N4BP1: variants seen among roughly 807,000 people sequenced by gnomAD.
N4BP1 encodes NEDD4-binding protein 1.
A neutral mutation model predicts 70.9 loss-of-function variants in N4BP1; 21 were observed. The observed-to-expected ratio is 0.30, with a 90% CI of 0.21 to 0.43. N4BP1 has a LOEUF of 0.43. N4BP1 is among the 20% of genes least tolerant of loss of function. N4BP1 has a pLI of 1.00. For synonymous variants in N4BP1, 387 were observed against 394.6 expected (o/e 0.98, Z 0.23); for missense variants, 936 against 1,069.4 (o/e 0.88, Z 1.74).
At chr16:48,575,877 G>A (rs962223199) in intron 1 of N4BP1, among the ~76,000 whole-genome samples, 12 of 152,164 alleles carry the variant, frequency 7.9e-5, no homozygotes, top group Admixed American at 2.6e-4. Context: ...GCTGCAAGGA[G>A]CATCACTCCA....
At position 48,550,959 on chromosome 16, in the gene N4BP1, C is replaced by G. The variant is rs533553826; in HGVS notation, c.2117+427G>C. 3.9e-5 allele frequency among the ~76,000 whole-genome samples: 6 copies of G among 152,014 alleles called. 1 individual carries two copies. The South Asian group carries it at 1.3e-3, about 32-fold the overall frequency. Reference sequence around the variant, plus strand: ...GAAAGAAAAGAAATGCAGCTTACTCCTATCACAGTAGGGTCAGTTCAGACA... The same window carrying G: ...GAAAGAAAAGAAATGCAGCTTACTCGTATCACAGTAGGGTCAGTTCAGACA... On this transcript the variant is annotated intron_variant, in intron 4 of 6. Coordinates refer to ENST00000262384, the MANE Select transcript of N4BP1 (RefSeq NM_153029.4).
At chr16:48,586,200 C>T (rs374209653) in intron 1 of N4BP1, among the ~76,000 whole-genome samples, 8 of 152,150 alleles carry the variant, frequency 5.3e-5, no homozygotes, top group African/African-American at 1.9e-4. Flanking sequence ...AGGTGGTGTG[C>T]ATTCATAGGT....
chr16:48,578,362 T>G (rs1597103949), intron 1 of N4BP1: 1 of 152,358 alleles, frequency 6.6e-6, no homozygotes, highest in African/African-American at 2.4e-5. Flanking sequence ...ACTGGCGTCA[T>G]CCGCCATTTG....
chr16:48,606,706 T>G (rs1964587061), intron 1 of N4BP1, among the ~76,000 whole-genome samples: 2 of 152,330 alleles, frequency 1.3e-5, no homozygotes, highest in South Asian at 4.1e-4. Context: ...CCCACCTAAC[T>G]AAGCTCCACA....
intron 1 of N4BP1, among the ~76,000 whole-genome samples, chr16:48,571,318 C>G (rs1393179876): frequency 6.6e-6 from 1 of 152,170 alleles, no homozygotes; most frequent in East Asian, 1.9e-4. Flanking sequence ...ATGAAAGACC[C>G]TCAAAACAAA....
intron 1 of N4BP1, among the ~76,000 whole-genome samples, chr16:48,572,165 C>A (rs1811264573): frequency 6.6e-6 from 1 of 152,120 alleles, no homozygotes; most frequent in Non-Finnish European, 1.5e-5. Flanking sequence ...CACCACTGCA[C>A]CCCAGCCAAG....
chr16:48,579,285 A>C (rs537897882), intron 1 of N4BP1, among the ~76,000 whole-genome samples: 52 of 152,308 alleles, frequency 3.4e-4, no homozygotes, highest in Admixed American at 7.8e-4. Flanking sequence ...ATTGTTTAAG[A>C]GGGAAAGAAT....
chr16:48,557,424 G>C (rs1198658805), intron 2 of N4BP1, among the ~76,000 whole-genome samples: 1 of 152,084 alleles, frequency 6.6e-6, no homozygotes, highest in Non-Finnish European at 1.5e-5. Flanking sequence ...TGTAACCCTG[G>C]AAAACATTTT....
intron 1 of N4BP1, among the ~76,000 whole-genome samples, chr16:48,570,954 G>A (rs1964011865): frequency 6.6e-6 from 1 of 152,150 alleles, no homozygotes; most frequent in Non-Finnish European, 1.5e-5. Context: ...ACCTCACGTG[G>A]CTAATTTTTC....
At chr16:48,604,766 T>A (rs768776007) in intron 1 of N4BP1, among the ~76,000 whole-genome samples, 11 of 152,356 alleles carry the variant, frequency 7.2e-5, no homozygotes, top group South Asian at 2.1e-4. Context: ...ATTTTTAAAA[T>A]GTAAATTAGT....
intron 1 of N4BP1, among the ~76,000 whole-genome samples, chr16:48,603,251 C>T (rs1331490800): frequency 2.6e-5 from 4 of 152,078 alleles, no homozygotes; most frequent in African/African-American, 4.8e-5. Context: ...GGTAGCCTGC[C>T]TGAGTTTCAT....
rs1963871133 is a variant in N4BP1 at position 48,562,191 on chromosome 16, T to C, written c.452A>G (p.Gln151Arg). 2 of 1,613,922 alleles carry C rather than the reference T, an allele frequency of 1.2e-6. No homozygotes were observed. Among genetic ancestry groups the C allele is most frequent in the Admixed American group, 3.3e-5 (2 of 59,998 alleles). Residue 151 changes from glutamine to arginine, a missense_variant, in exon 2 of 7, where the codon CAG becomes CGG. By Grantham distance (43) the Gln-to-Arg change is conservative. This residue lies in a region of N4BP1 where 187 missense variants were observed against 217.1 expected (regional missense o/e 0.86). Coordinates refer to ENST00000262384, the MANE Select transcript of N4BP1 (RefSeq NM_153029.4). ...FENKENLPSS[Q>R]KESEVKREFK... Reference sequence around the variant, plus strand: ...TTCCCTTTTCACCTCTGATTCTTTCTGACTACTGGGTAGGTTCTCTTTATT... The same window carrying C: ...TTCCCTTTTCACCTCTGATTCTTTCCGACTACTGGGTAGGTTCTCTTTATT...
chr16:48,572,431 G>A (rs531922675), intron 1 of N4BP1, among the ~76,000 whole-genome samples: 12 of 152,122 alleles, frequency 7.9e-5, no homozygotes, highest in African/African-American at 2.7e-4. Flanking sequence ...GATGGGGGAG[G>A]GGGGACAGGC....
intron 1 of N4BP1, among the ~76,000 whole-genome samples, chr16:48,588,910 A>G (rs1964289555): frequency 6.6e-6 from 1 of 152,178 alleles, no homozygotes; most frequent in Admixed American, 6.5e-5. Flanking sequence ...AATATAAAAC[A>G]AAGACTTTGT....
intron 1 of N4BP1, chr16:48,587,089 GTT>G (rs1473738684): frequency 6.6e-6 from 1 of 152,176 alleles, no homozygotes; most frequent in Admixed American, 6.6e-5. Flanking sequence ...TTAACAAGTG[GTT>G]TCTTCTTTCC....
chr16:48,578,096 G>C (rs1274730812), intron 1 of N4BP1: 1 of 159,260 alleles, frequency 6.3e-6, no homozygotes, highest in Non-Finnish European at 1.4e-5. Flanking sequence ...TCATCCTTGA[G>C]AGAGCCCCCA....
chr16:48,567,458 C>T (rs946303819), intron 1 of N4BP1, among the ~76,000 whole-genome samples: 3 of 152,124 alleles, frequency 2.0e-5, no homozygotes, highest in African/African-American at 7.2e-5. Context: ...GCTGGGATTA[C>T]AGGTGCACAC....
intron 1 of N4BP1, among the ~76,000 whole-genome samples, chr16:48,586,870 T>TC (rs1964253691): frequency 6.8e-6 from 1 of 147,068 alleles, no homozygotes; most frequent in Non-Finnish European, 1.5e-5. Context: ...ACTTTTAACA[T>TC]TTTTTTTTTT....
chr16:48,595,557 C>T (rs960717617), intron 1 of N4BP1, among the ~76,000 whole-genome samples: 1 of 150,916 alleles, frequency 6.6e-6, no homozygotes, highest in African/African-American at 2.4e-5. Flanking sequence ...AAATTTGAAG[C>T]ATATTTGTTT....
Sources: gnomAD v4.1 joint callset for allele counts (sites outside exome capture counted in the v4.1 genomes callset) on GRCh38, gnomAD v4.1.1 for gene constraint, gnomAD v4.1.1 regional missense constraint, MANE v1.5 for transcripts, NCBI Gene and HGNC (gene_info 2026-07-23, HGNC 2026-07-21) for gene names.